FSIP1: variants seen among roughly 807,000 people sequenced by gnomAD.
FSIP1 encodes the protein fibrous sheath interacting protein 1, also known as fibrous sheath-interacting protein 1.
A neutral mutation model predicts 60.9 loss-of-function variants in FSIP1; 65 were observed. The ratio of observed to expected loss-of-function variants is 1.07; its 90% CI spans 0.87 to 1.31. FSIP1 has a LOEUF of 1.31. Among genes scored for constraint, FSIP1 ranks in the 40% most tolerant of loss-of-function variants. The pLI, the probability that FSIP1 is intolerant of heterozygous loss-of-function variation, is 0.00. For missense variants in FSIP1, 675 were observed against 665.5 expected, an observed-to-expected ratio of 1.01 and a Z score of -0.16; for synonymous variants, 209 against 221.2, an observed-to-expected ratio of 0.94 and a Z score of 0.49.
intron 8 of FSIP1, among the ~76,000 whole-genome samples, chr15:39,733,884 G>A (rs1346473014): frequency 1.3e-5 from 2 of 152,094 alleles, no homozygotes. Context: ...TGGATTTCTT[G>A]TTACTAGAAA....
At chr15:39,648,582 G>A (rs1892729402) in intron 10 of FSIP1, among the ~76,000 whole-genome samples, 1 of 152,196 alleles carries the variant, frequency 6.6e-6, no homozygotes, top group Admixed American at 6.5e-5. Flanking sequence ...AAGAACCCAG[G>A]AGTAACTCAG....
At chr15:39,625,787 A>T (rs2140393741) in intron 10 of FSIP1, among the ~76,000 whole-genome samples, 1 of 152,296 alleles carries the variant, frequency 6.6e-6, no homozygotes, top group South Asian at 2.1e-4. Context: ...TAAAGAGCCT[A>T]AAAAGGGGCC....
At chr15:39,607,099 C>T (rs1315509198) in intron 11 of FSIP1, among the ~76,000 whole-genome samples, 2 of 152,156 alleles carry the variant, frequency 1.3e-5, no homozygotes, top group South Asian at 2.1e-4. Flanking sequence ...CCACACTGTC[C>T]GTGGGAAGCT....
chr15:39,718,547 G>A (rs1595657343), intron 9 of FSIP1, among the ~76,000 whole-genome samples: 1 of 147,580 alleles, frequency 6.8e-6, no homozygotes, highest in East Asian at 2.0e-4. Flanking sequence ...CTGGAGTGCA[G>A]TGGCACAACC....
intron 5 of FSIP1, among the ~76,000 whole-genome samples, chr15:39,743,919 CTG>C (rs1896891434): frequency 6.6e-6 from 1 of 152,172 alleles, no homozygotes; most frequent in African/African-American, 2.4e-5. Context: ...TCAAAAATGC[CTG>C]TGTCATAAAA....
intron 11 of FSIP1, among the ~76,000 whole-genome samples, chr15:39,608,614 A>G (rs1890912208): frequency 6.6e-6 from 1 of 152,226 alleles, no homozygotes; most frequent in Non-Finnish European, 1.5e-5. Flanking sequence ...TTCATTTATT[A>G]AATGAAGATC....
chr15:39,752,189 TA>T (rs1304206159), intron 5 of FSIP1, among the ~76,000 whole-genome samples: 1 of 152,058 alleles, frequency 6.6e-6, no homozygotes, highest in Non-Finnish European at 1.5e-5. Context: ...CCTAGGCCAA[TA>T]ACCAGAAGAG....
intron 10 of FSIP1, among the ~76,000 whole-genome samples, chr15:39,691,569 T>A (rs752771172): frequency 8.5e-5 from 13 of 152,236 alleles, no homozygotes; most frequent in Non-Finnish European, 1.8e-4. Context: ...GGTTCCGGGA[T>A]GAGTCTGTGG....
At chr15:39,679,023 G>A (rs1894055744) in intron 10 of FSIP1, among the ~76,000 whole-genome samples, 1 of 151,662 alleles carries the variant, frequency 6.6e-6, no homozygotes, top group East Asian at 1.9e-4. Context: ...TCTTGTCTGG[G>A]TGTTCAGCTA....
chr15:39,780,287 G>A (rs998454203), intron 1 of FSIP1, among the ~76,000 whole-genome samples: 10 of 152,318 alleles, frequency 6.6e-5, no homozygotes, highest in Non-Finnish European at 1.2e-4. Context: ...ACTTTGGGAG[G>A]CCGAGGCGGG....
At chr15:39,663,977 A>G (rs1893399614) in intron 10 of FSIP1, among the ~76,000 whole-genome samples, 1 of 152,214 alleles carries the variant, frequency 6.6e-6, no homozygotes, top group African/African-American at 2.4e-5. Context: ...CCTAATGGTA[A>G]CTAAAAGCTT....
At chr15:39,632,212 C>CT (rs1891921857) in intron 10 of FSIP1, among the ~76,000 whole-genome samples, 1 of 152,154 alleles carries the variant, frequency 6.6e-6, no homozygotes, top group Admixed American at 6.5e-5. Context: ...GGGTCCGACT[C>CT]TGTCACCCAG....
At chr15:39,628,317 G>T (rs1891727130) in intron 10 of FSIP1, among the ~76,000 whole-genome samples, 1 of 152,172 alleles carries the variant, frequency 6.6e-6, no homozygotes, top group Admixed American at 6.5e-5. Flanking sequence ...GGAGTGTCGA[G>T]ATAAACAGAA....
At position 39,618,525 on chromosome 15, in the gene FSIP1, T is replaced by C. The variant is rs909246323; in HGVS notation, c.1189-280A>G. ...AAAAAAATTGGCATACAAGGCAGAC[T>C]ACCCCTACCTCTGGGGATTCAGCAC... On this transcript the variant is annotated intron_variant, in intron 10 of 11. Transcript: ENST00000350221. 3.9e-5 allele frequency among the ~76,000 whole-genome samples: 6 copies of C among 152,272 alleles called. No homozygotes were observed. The South Asian group carries it at 8.3e-4, about 21-fold the overall frequency.
chr15:39,631,850 A>G (rs1274265784), intron 10 of FSIP1, among the ~76,000 whole-genome samples: 1 of 152,244 alleles, frequency 6.6e-6, no homozygotes, highest in African/African-American at 2.4e-5. Context: ...TTACAGGGAA[A>G]GCTCTCCTTA....
chr15:39,700,569 T>C (rs1182542793), intron 10 of FSIP1, among the ~76,000 whole-genome samples: 1 of 152,192 alleles, frequency 6.6e-6, no homozygotes, highest in Non-Finnish European at 1.5e-5. Context: ...ATTATGACTG[T>C]CAAAATAATA....
chr15:39,680,223 C>T (rs57588844), intron 10 of FSIP1, among the ~76,000 whole-genome samples: 4,914 of 151,998 alleles, frequency 0.032, 258 homozygotes, highest in African/African-American at 0.11. Flanking sequence ...TCTCAAAAAC[C>T]AACAAAAGAT....
At position 39,617,723 on chromosome 15, in the gene FSIP1, G is replaced by C; in HGVS notation, c.1699+12C>G. 1 of 1,598,084 alleles carries C rather than the reference G, an allele frequency of 6.3e-7. No homozygotes were observed. The highest frequency in any genetic ancestry group is 8.5e-7 in the Non-Finnish European group (1 of 1,171,816). On this transcript the variant is annotated intron_variant, in intron 11 of 11. Transcript: ENST00000350221. The stretch of plus-strand genomic sequence containing the variant: ...GAATTATTTACCAAAACACATGTTC[G>C]CCAAGCCTCACCTGCTATTGTATTC...
At chr15:39,638,919 CT>C (rs1232010306) in intron 10 of FSIP1, among the ~76,000 whole-genome samples, 1 of 152,084 alleles carries the variant, frequency 6.6e-6, no homozygotes, top group East Asian at 1.9e-4. Context: ...TTCAAAATTC[CT>C]TTTTTTCTTA....
Sources: gnomAD v4.1 joint callset for allele counts (sites outside exome capture counted in the v4.1 genomes callset) on GRCh38, gnomAD v4.1.1 for gene constraint, MANE v1.5 for transcripts, NCBI Gene and HGNC (gene_info 2026-07-23, HGNC 2026-07-21) for gene names.